The following GKAP1 variants were observed in gnomAD, a reference collection of about 807,000 sequenced individuals.
GKAP1 encodes G kinase anchoring protein 1.
Under a neutral mutation model 56.7 loss-of-function variants are expected in GKAP1, and 31 were observed. That is an observed-to-expected ratio of 0.55 (90% CI 0.41 to 0.74). The LOEUF is 0.74. GKAP1 is among the 30% of genes least tolerant of loss of function. The pLI is 0.00. For missense variants in GKAP1, 364 were observed against 402.3 expected (o/e 0.90, Z 0.82); for synonymous variants, 151 against 138.6 (o/e 1.09, Z -0.63).
rs1944597077 is a variant in GKAP1, at chr9:83,816,412, C to A, written c.-44+584G>T. Among the ~76,000 whole-genome samples the A allele has an allele frequency of 2.0e-5, 3 of 152,202 alleles. No homozygotes were observed. The South Asian group carries it at 6.2e-4, about 31-fold the overall frequency. ...ATACAAGCAGGTACTCAGTGAGGAC[C>A]TGAGGGATTCTCCCACGAGTAAAAT... On this transcript the variant is annotated intron_variant, in intron 2 of 12. Transcript: ENST00000376371.
At chr9:83,795,454 C>T (rs1346118328) in intron 4 of GKAP1, among the ~76,000 whole-genome samples, 2 of 152,058 alleles carry the variant, frequency 1.3e-5, no homozygotes, top group Admixed American at 6.6e-5. Flanking sequence ...TAAATACTCA[C>T]CACTAGTGTT....
chr9:83,759,372 C>T (rs945252921), intron 8 of GKAP1, among the ~76,000 whole-genome samples: 3 of 152,074 alleles, frequency 2.0e-5, no homozygotes, highest in Admixed American at 6.6e-5. Context: ...TCAATCCTCC[C>T]ACCTCAGCCT....
chr9:83,755,666 A>C (rs1013911081), intron 8 of GKAP1, among the ~76,000 whole-genome samples: 2 of 152,046 alleles, frequency 1.3e-5, no homozygotes, highest in South Asian at 2.1e-4. Context: ...TCAAAAAAAA[A>C]CCACTGTAAC....
At chr9:83,780,352 T>C in intron 7 of GKAP1, 30 bp downstream of exon 7, 1 of 1,293,660 alleles carries the variant, frequency 7.7e-7, no homozygotes, top group Non-Finnish European at 1.1e-6. Flanking sequence ...TCATCAGTGT[T>C]TTCTACAAGA....
chr9:83,740,374 T>C (rs1466083234), intron 12 of GKAP1, among the ~76,000 whole-genome samples: 1 of 152,110 alleles, frequency 6.6e-6, no homozygotes, highest in Non-Finnish European at 1.5e-5. Context: ...TAACATAACA[T>C]AACATAACAT....
intron 10 of GKAP1, among the ~76,000 whole-genome samples, chr9:83,747,292 T>TATC (rs150663605): frequency 6.6e-6 from 1 of 152,236 alleles, no homozygotes; most frequent in Admixed American, 6.5e-5. Flanking sequence ...TTACTAATCT[T>TATC]ATCATCTGCA....
intron 2 of GKAP1, among the ~76,000 whole-genome samples, chr9:83,807,294 G>C (rs543255671): frequency 1.8e-4 from 28 of 152,128 alleles, no homozygotes; most frequent in Non-Finnish European, 3.4e-4. Flanking sequence ...GTTTAAGTTG[G>C]TTATGTGACT....
In GKAP1 at chr9:83,804,067, G is replaced by A. The variant is rs571009957; in HGVS notation, c.216+2235C>T. ...AGCCCCTCTGCCCGGCAGCCACCCC[G>A]TCTGGGAAGTGAGGAGCGTCTCCGC... On this transcript the variant is annotated intron_variant, in intron 3 of 12. Transcript: ENST00000376371. 3.9e-3 allele frequency among the ~76,000 whole-genome samples: 576 copies of A among 148,242 alleles called. 10 individuals carry two copies. The highest frequency in any genetic ancestry group is 0.013 in the African/African-American group (538 of 39,884).
intron 3 of GKAP1, among the ~76,000 whole-genome samples, chr9:83,800,032 T>C (rs1587734992): frequency 6.6e-6 from 1 of 152,110 alleles, no homozygotes; most frequent in East Asian, 1.9e-4. Context: ...AAAGTTTAAA[T>C]AGTGAGAGAT....
At chr9:83,786,104 A>G (rs1190911724) in intron 5 of GKAP1, among the ~76,000 whole-genome samples, 1 of 152,194 alleles carries the variant, frequency 6.6e-6, no homozygotes, top group African/African-American at 2.4e-5. Context: ...AAGGCACTGA[A>G]AAGCCTTCTA....
At chr9:83,798,902 G>GT (rs945068493) in intron 4 of GKAP1, among the ~76,000 whole-genome samples, 24 of 152,206 alleles carry the variant, frequency 1.6e-4, no homozygotes, top group Admixed American at 1.3e-3. Context: ...ATTTAATACT[G>GT]TTCCCCTACC....
intron 6 of GKAP1, among the ~76,000 whole-genome samples, chr9:83,781,901 C>T (rs1441594321): frequency 6.8e-6 from 1 of 146,116 alleles, no homozygotes; most frequent in Non-Finnish European, 1.5e-5. Flanking sequence ...TGGAGTGCAG[C>T]GGTACGATCT....
At chr9:83,779,551 GTA>G (rs10546261) in intron 7 of GKAP1, among the ~76,000 whole-genome samples, 62,143 of 111,098 alleles carry the variant, frequency 0.56, 18,945 homozygotes, top group Admixed American at 0.7. Context: ...ATATACACGT[GTA>G]TATGTGTATA....
intron 12 of GKAP1, among the ~76,000 whole-genome samples, chr9:83,740,296 G>T (rs192589978): frequency 1.2e-3 from 185 of 152,150 alleles, no homozygotes; most frequent in Non-Finnish European, 2.1e-3. Context: ...ATCATTTGTG[G>T]TATTTGACTT....
At chr9:83,800,047 T>C (rs767638816) in intron 3 of GKAP1, among the ~76,000 whole-genome samples, 4 of 152,108 alleles carry the variant, frequency 2.6e-5, no homozygotes, top group African/African-American at 4.8e-5. Context: ...AGAGATCGCC[T>C]AAGCAACTCT....
rs771828367 is a variant in GKAP1 at position 83,806,519 on chromosome 9, G to A, written c.-2C>T. On this transcript the variant is annotated 5_prime_UTR_variant, in exon 3 of 13. It adds an upstream start codon to the 5' untranslated region. Transcript: ENST00000376371. ...AGAACTAAGTACTGCTGAGGCCATC[G>A]TAAAGATTTTTCTTTTAAAATACTT... The A allele has an allele frequency of 1.9e-5, 31 of 1,609,398 alleles. No homozygotes were observed. Among genetic ancestry groups the A allele is most frequent in the Non-Finnish European group, 2.4e-5 (28 of 1,178,394 alleles).
chr9:83,812,244 C>T (rs956846281), intron 2 of GKAP1, among the ~76,000 whole-genome samples: 23 of 146,474 alleles, frequency 1.6e-4, no homozygotes, highest in African/African-American at 4.8e-4. Context: ...TACATATATA[C>T]GTATATATGT....
intron 8 of GKAP1, among the ~76,000 whole-genome samples, chr9:83,765,683 A>C (rs1009336931): frequency 6.6e-6 from 1 of 152,172 alleles, no homozygotes; most frequent in Non-Finnish European, 1.5e-5. Flanking sequence ...TCATTTCGGA[A>C]CTTTAAGGTT....
chr9:83,769,724 T>C (rs1943724871), intron 7 of GKAP1, among the ~76,000 whole-genome samples: 3 of 152,238 alleles, frequency 2.0e-5, no homozygotes, highest in Admixed American at 2.0e-4. Context: ...TTCAATTCTC[T>C]TGGGTATATA....
Sources: gnomAD v4.1 joint callset for allele counts (sites outside exome capture counted in the v4.1 genomes callset) on GRCh38, gnomAD v4.1.1 for gene constraint, MANE v1.5 for transcripts, NCBI Gene and HGNC (gene_info 2026-07-23, HGNC 2026-07-21) for gene names.